The following SLC9A9 variants were observed in gnomAD, a reference collection of about 807,000 sequenced individuals.
SLC9A9 encodes solute carrier family 9 member A9, also known as sodium/hydrogen exchanger 9.
A neutral mutation model predicts 77.8 loss-of-function variants in SLC9A9; 62 were observed. That is an observed-to-expected ratio of 0.80 (90% CI 0.65 to 0.98). SLC9A9 has a LOEUF of 0.98. SLC9A9 is among the 50% of genes least tolerant of loss of function. The probability of loss-of-function intolerance (pLI) is 0.00; values close to 1 mark genes in which losing one functional copy is unlikely to be tolerated. For missense variants in SLC9A9, 775 were observed against 774.9 expected (o/e 1.00, Z 0.00); for synonymous variants, 320 against 283.5 (o/e 1.13, Z -1.29).
chr3:143,778,037 C>CA lies in SLC9A9; in HGVS notation c.533+16963dup, dbSNP rs748982877. Among the ~76,000 whole-genome samples, 745 of 75,556 alleles carry CA rather than the reference C, an allele frequency of 9.9e-3. 50 individuals carry two copies. The highest frequency in any genetic ancestry group is 0.033 in the African/African-American group (659 of 19,922). 49.6% of individuals were successfully genotyped at this position (75,556 alleles called of 152,430 possible). ...CCGTCACTGATACTTTTATAAAATG[C>CA]AAAAAAAAAAAAAAAGATGCTGAAT... On this transcript the variant is annotated intron_variant, in intron 4 of 15. Coordinates refer to ENST00000316549, the MANE Select transcript of SLC9A9 (RefSeq NM_173653.4).
chr3:143,433,009 A>T (rs1419445029), intron 12 of SLC9A9, among the ~76,000 whole-genome samples: 6 of 152,240 alleles, frequency 3.9e-5, no homozygotes, highest in African/African-American at 1.4e-4. Context: ...AGCACCAATC[A>T]GCCCTGGTGG....
At chr3:143,642,170 T>C (rs533570831) in intron 6 of SLC9A9, among the ~76,000 whole-genome samples, 77 of 152,374 alleles carry the variant, frequency 5.1e-4, no homozygotes, top group African/African-American at 1.8e-3. Flanking sequence ...CCTGCAATAC[T>C]TTGAACCTAT....
intron 4 of SLC9A9, among the ~76,000 whole-genome samples, chr3:143,757,350 C>T (rs1474066372): frequency 6.6e-6 from 1 of 151,910 alleles, no homozygotes; most frequent in African/African-American, 2.4e-5. Context: ...GAAAATGTGC[C>T]TCTCCACTAT....
intron 8 of SLC9A9, among the ~76,000 whole-genome samples, chr3:143,562,098 C>T (rs1269838730): frequency 1.3e-5 from 2 of 152,122 alleles, no homozygotes; most frequent in African/African-American, 2.4e-5. Flanking sequence ...TATTGAGATC[C>T]TATACTGAGC....
At chr3:143,640,019 CTTTTTTTT>C (rs10575577) in intron 6 of SLC9A9, among the ~76,000 whole-genome samples, 70 of 124,128 alleles carry the variant, frequency 5.6e-4, no homozygotes, top group Admixed American at 8.4e-4. Context: ...CTTTTTTTTT[CTTTTTTTT>C]TTTTTTTTTT....
intron 8 of SLC9A9, among the ~76,000 whole-genome samples, chr3:143,573,630 G>A (rs2108657758): frequency 6.6e-6 from 1 of 152,216 alleles, no homozygotes; most frequent in Non-Finnish European, 1.5e-5. Flanking sequence ...TACCTGCCAT[G>A]GAACATATGT....
intron 2 of SLC9A9, among the ~76,000 whole-genome samples, chr3:143,824,012 C>T (rs1033019296): frequency 2.9e-4 from 44 of 152,060 alleles, no homozygotes; most frequent in Admixed American, 7.2e-4. Context: ...TATTCTCAAA[C>T]GCATTTCACT....
intron 14 of SLC9A9, among the ~76,000 whole-genome samples, chr3:143,280,935 G>A (rs184270759): frequency 3.9e-5 from 6 of 152,238 alleles, no homozygotes; most frequent in African/African-American, 1.4e-4. Context: ...ATCCTTCTGT[G>A]ATGCACTTAG....
chr3:143,460,751 G>A (rs1452048513), intron 12 of SLC9A9, among the ~76,000 whole-genome samples: 9 of 152,120 alleles, frequency 5.9e-5, no homozygotes, highest in Admixed American at 4.6e-4. Context: ...GGCACTGAAA[G>A]CAAATTTAGG....
intron 13 of SLC9A9, among the ~76,000 whole-genome samples, chr3:143,366,208 T>C (rs373859124): frequency 2.6e-5 from 4 of 152,248 alleles, no homozygotes; most frequent in Non-Finnish European, 4.4e-5. Flanking sequence ...TCCCAAGCTA[T>C]TGAATGCCCA....
intron 2 of SLC9A9, among the ~76,000 whole-genome samples, chr3:143,804,571 G>A (rs1289485941): frequency 1.1e-4 from 16 of 152,090 alleles, no homozygotes; most frequent in Admixed American, 1.0e-3. Context: ...CCTTGCACAA[G>A]GTCTCTTCTT....
chr3:143,354,838 C>T (rs764646129), intron 14 of SLC9A9, among the ~76,000 whole-genome samples: 4 of 152,256 alleles, frequency 2.6e-5, no homozygotes, highest in Admixed American at 6.5e-5. Context: ...CATCACACTG[C>T]TAATAACAAA....
At chr3:143,433,809 T>C (rs1310026251) in intron 12 of SLC9A9, among the ~76,000 whole-genome samples, 1 of 152,220 alleles carries the variant, frequency 6.6e-6, no homozygotes, top group African/African-American at 2.4e-5. Flanking sequence ...GAAAACTTTA[T>C]TAGAACCAAC....
chr3:143,349,550 G>A (rs138345744), intron 14 of SLC9A9, among the ~76,000 whole-genome samples: 311 of 152,308 alleles, frequency 2.0e-3, no homozygotes, highest in African/African-American at 6.9e-3. Flanking sequence ...TGCAAGATAG[G>A]TATTATCATT....
intron 5 of SLC9A9, among the ~76,000 whole-genome samples, chr3:143,667,494 A>T (rs1187483758): frequency 6.6e-6 from 1 of 152,216 alleles, no homozygotes; most frequent in East Asian, 1.9e-4. Context: ...ATCTAATTAA[A>T]CTAAAGAGCT....
At chr3:143,770,191 A>T (rs2007467093) in intron 4 of SLC9A9, among the ~76,000 whole-genome samples, 1 of 152,224 alleles carries the variant, frequency 6.6e-6, no homozygotes, top group Non-Finnish European at 1.5e-5. Flanking sequence ...TTGAACAGGT[A>T]AATCCTAACT....
At chr3:143,644,881 A>G (rs1473062972) in intron 6 of SLC9A9, among the ~76,000 whole-genome samples, 1 of 152,158 alleles carries the variant, frequency 6.6e-6, no homozygotes, top group Non-Finnish European at 1.5e-5. Context: ...CTTCAGAAAG[A>G]TGTGTCAAGA....
chr3:143,489,326 A>C (rs1232977587), intron 11 of SLC9A9, among the ~76,000 whole-genome samples: 1 of 151,958 alleles, frequency 6.6e-6, no homozygotes, highest in Non-Finnish European at 1.5e-5. Flanking sequence ...TAATCTGCAA[A>C]TTCAATGCAG....
intron 9 of SLC9A9, among the ~76,000 whole-genome samples, chr3:143,521,570 T>C (rs1295271627): frequency 6.6e-6 from 1 of 152,182 alleles, no homozygotes; most frequent in African/African-American, 2.4e-5. Flanking sequence ...TGCTTTCAAA[T>C]TACTCTGCCT....
Sources: allele counts gnomAD v4.1 joint callset (sites outside exome capture counted in the v4.1 genomes callset), GRCh38; gene constraint gnomAD v4.1.1; transcripts MANE v1.5; gene names NCBI Gene and HGNC (gene_info 2026-07-23, HGNC 2026-07-21).